CLK4: variants seen among roughly 807,000 people sequenced by gnomAD.
CLK4 encodes CDC like kinase 4, also known as dual specificity protein kinase CLK4.
In CLK4, 37 loss-of-function variants were observed where a neutral mutation model predicts 64.4. That is an observed-to-expected ratio of 0.57 (90% CI 0.44 to 0.76). CLK4 has a LOEUF of 0.76. CLK4 is among the 30% of genes least tolerant of loss of function. The pLI is 0.00. For synonymous variants in CLK4, 175 were observed against 191.6 expected (o/e 0.91, Z 0.72); for missense variants, 457 against 605.1 (o/e 0.76, Z 2.57).
Position 178,613,453 on chromosome 5 carries a change from G to GATTT in CLK4, c.826+16_826+19dup. ...AAATAAATAAATAAATAAAAATAAA[G>GATTT]ATTTATCAAGTGTACTTACAATTTA... On this transcript the variant is annotated intron_variant, in intron 7 of 12. Transcript: ENST00000316308. 1.4e-6 allele frequency: 2 copies of GATTT among 1,407,936 alleles called. No individual in the cohort carries two copies. Among genetic ancestry groups the GATTT allele is most frequent in the East Asian group, 5.1e-5 (2 of 39,420 alleles). The allele number at this position is 1,407,936 out of a possible 1,614,324, so 87.2% of individuals were successfully genotyped here. A position where few individuals can be genotyped will look rare whatever the true frequency, so the allele number is the denominator to read the frequency against.
intron 10 of CLK4, among the ~76,000 whole-genome samples, chr5:178,607,078 A>G (rs1223186634): frequency 6.6e-6 from 1 of 152,022 alleles, no homozygotes; most frequent in Non-Finnish European, 1.5e-5. Context: ...TATTTTTAAA[A>G]GCAAACTACC....
At chr5:178,624,069 CTT>C (rs1297671726) in intron 1 of CLK4, among the ~76,000 whole-genome samples, 1 of 152,198 alleles carries the variant, frequency 6.6e-6, no homozygotes, top group Non-Finnish European at 1.5e-5. Context: ...GATGAAGCTT[CTT>C]TTTCTCAAAT....
At chr5:178,622,396 T>C in intron 2 of CLK4, 6 of 984,856 alleles carry the variant, frequency 6.1e-6, no homozygotes, top group Non-Finnish European at 7.2e-6. Context: ...TACATACTGT[T>C]TTTTAAAGTA....
intron 2 of CLK4, chr5:178,620,717 C>T (rs1185926509): frequency 2.9e-6 from 1 of 343,562 alleles, no homozygotes; most frequent in Non-Finnish European, 5.9e-6. Context: ...AAGTCCCTGC[C>T]AACAAATAAT....
intron 5 of CLK4, among the ~76,000 whole-genome samples, chr5:178,615,768 A>C (rs1231979062): frequency 6.6e-6 from 1 of 152,214 alleles, no homozygotes; most frequent in Non-Finnish European, 1.5e-5. Context: ...GAAGTTTCGC[A>C]AAAGTTCTAA....
intron 9 of CLK4, among the ~76,000 whole-genome samples, chr5:178,608,963 T>C (rs1764505005): frequency 6.6e-6 from 1 of 152,234 alleles, no homozygotes; most frequent in African/African-American, 2.4e-5. Flanking sequence ...TTGCACAAAT[T>C]GTATAAAAGG....
intron 9 of CLK4, among the ~76,000 whole-genome samples, chr5:178,612,003 G>A (rs756308439): frequency 1.3e-5 from 2 of 152,136 alleles, no homozygotes; most frequent in Non-Finnish European, 2.9e-5. Context: ...TCTTAGAGAA[G>A]CCTCTTTCTT....
chr5:178,603,938 C>T lies in CLK4; in HGVS notation c.1215-4G>A, dbSNP rs762854115. On this transcript the variant is annotated splice_polypyrimidine_tract_variant and splice_region_variant and intron_variant, in intron 11 of 12. Transcript: ENST00000316308. ...ATGGTGAAAATACTTGCGTTTTCTA[C>T]AGAAAAAAAAAAAAAGTCTGGATTA... 4 of 1,468,020 alleles carry T rather than the reference C, an allele frequency of 2.7e-6. No homozygotes were observed. Among genetic ancestry groups the T allele is most frequent in the East Asian group, 2.4e-5 (1 of 40,908 alleles). 90.9% of individuals were successfully genotyped at this position (1,468,020 alleles called of 1,614,324 possible). A position where few individuals can be genotyped will look rare whatever the true frequency, so the allele number is the denominator to read the frequency against.
intron 10 of CLK4, chr5:178,605,833 T>C (rs1432521292): frequency 6.6e-6 from 1 of 152,412 alleles, no homozygotes; most frequent in African/African-American, 2.4e-5. Flanking sequence ...ACAGCTGGAA[T>C]GGTATGCTTC....
chr5:178,611,252 T>G (rs1764552970), intron 9 of CLK4, among the ~76,000 whole-genome samples: 1 of 152,188 alleles, frequency 6.6e-6, no homozygotes, highest in South Asian at 2.1e-4. Flanking sequence ...AAAATACCTC[T>G]CTGTCCACTA....
chr5:178,605,305 T>C lies in CLK4; in HGVS notation c.1212A>G (p.Thr404=). 1 of 1,568,716 alleles carries C rather than the reference T, an allele frequency of 6.4e-7. No homozygotes were observed. Among genetic ancestry groups the C allele is most frequent in the East Asian group, 2.3e-5 (1 of 43,370 alleles). The change falls in exon 11 of 13, where the codon ACA becomes ACG. Residue 404 remains threonine, a splice_region_variant and synonymous_variant. Coordinates refer to ENST00000316308, the MANE Select transcript of CLK4 (RefSeq NM_020666.3). ...GPIPQHMIQK[T]RKRKYFHHNQ... ...AAGTCTTGAATCTTAAAACATACCT[T>C]GTTTTCTGAATCATGTGTTGTGGTA... is the stretch of plus-strand genomic sequence containing the variant.
intron 5 of CLK4, among the ~76,000 whole-genome samples, chr5:178,614,998 C>A (rs1410758038): frequency 6.6e-6 from 1 of 152,134 alleles, no homozygotes; most frequent in African/African-American, 2.4e-5. Flanking sequence ...TATATGTACT[C>A]ATTTTTTTAG....
At chr5:178,616,977 A>C in intron 4 of CLK4, 29 bp from the exon 5 acceptor site, 2 of 1,430,132 alleles carry the variant, frequency 1.4e-6, no homozygotes, top group Non-Finnish European at 2.0e-6. Flanking sequence ...AAGAGGTGTA[A>C]GTACCTGAGT....
At chr5:178,610,085 T>TG (rs1764535187) in intron 9 of CLK4, among the ~76,000 whole-genome samples, 1 of 151,664 alleles carries the variant, frequency 6.6e-6, no homozygotes, top group South Asian at 2.1e-4. Context: ...GGTCAGGAGT[T>TG]GGAGACCAGC....
chr5:178,618,852 CAG>C, intron 2 of CLK4, 74 bp from the exon 3 acceptor site: 1 of 1,229,292 alleles, frequency 8.1e-7, no homozygotes, highest in Non-Finnish European at 1.1e-6. Context: ...AACATTTTCT[CAG>C]AAATTCTTAA....
intron 10 of CLK4, chr5:178,605,735 G>A (rs1424695297): frequency 6.2e-6 from 1 of 160,342 alleles, no homozygotes; most frequent in African/African-American, 2.4e-5. Flanking sequence ...TATGAGGAAA[G>A]TTAAGCTATC....
intron 1 of CLK4, among the ~76,000 whole-genome samples, chr5:178,626,579 G>C (rs1229298773): frequency 6.6e-6 from 1 of 152,226 alleles, no homozygotes; most frequent in Non-Finnish European, 1.5e-5. Flanking sequence ...CTTGATCTCC[G>C]ACAACACGAA....
At chr5:178,620,400 A>G in intron 2 of CLK4, 2 of 257,008 alleles carry the variant, frequency 7.8e-6, no homozygotes, top group Admixed American at 4.9e-5. Flanking sequence ...GCCATAAACA[A>G]CGTATAGAGT....
intron 1 of CLK4, among the ~76,000 whole-genome samples, chr5:178,625,417 T>C (rs1764764875): frequency 2.1e-5 from 2 of 93,430 alleles, no homozygotes; most frequent in Admixed American, 1.3e-4. Context: ...AGTGAGACCC[T>C]GTCTCAAAAA....
Sources: gnomAD v4.1 joint callset for allele counts (sites outside exome capture counted in the v4.1 genomes callset) on GRCh38, gnomAD v4.1.1 for gene constraint, MANE v1.5 for transcripts, NCBI Gene and HGNC (gene_info 2026-07-23, HGNC 2026-07-21) for gene names.